PRRC2B: variants seen among roughly 807,000 people sequenced by gnomAD.
PRRC2B encodes the protein protein PRRC2B.
PRRC2B carries 68 observed loss-of-function variants against 242.3 expected under a neutral mutation model. That is an observed-to-expected ratio of 0.28 (90% CI 0.23 to 0.34). The LOEUF (loss-of-function observed/expected upper bound fraction) is 0.34, where lower values mean the gene tolerates loss of function less well. Ranked by LOEUF, PRRC2B falls within the 10% of genes least tolerant of loss-of-function variation. PRRC2B has a pLI of 1.00. For missense variants in PRRC2B, 2,835 were observed against 2,954.8 expected (o/e 0.96, Z 0.94); for synonymous variants, 1,228 against 1,173.6 (o/e 1.05, Z -0.95).
At chr9:131,400,542 T>C (rs1344857024) in intron 1 of PRRC2B, among the ~76,000 whole-genome samples, 2 of 152,122 alleles carry the variant, frequency 1.3e-5, no homozygotes, top group Non-Finnish European at 2.9e-5. Context: ...GGTCTCGAAA[T>C]CCTGACCTCA....
intron 1 of PRRC2B, among the ~76,000 whole-genome samples, chr9:131,412,551 T>C (rs1324251141): frequency 6.6e-6 from 1 of 152,202 alleles, no homozygotes; most frequent in Non-Finnish European, 1.5e-5. Flanking sequence ...GAGCATATGG[T>C]GGCTGCATGG....
chr9:131,478,645 T>A, intron 18 of PRRC2B, 26 bp downstream of exon 18: 13 of 222,556 alleles, frequency 5.8e-5, no homozygotes, highest in Admixed American at 1.2e-4. Context: ...TGGGGGGGCA[T>A]GGGGCTGGAG....
chr9:131,402,930 G>A (rs757209671), intron 1 of PRRC2B, among the ~76,000 whole-genome samples: 10 of 152,194 alleles, frequency 6.6e-5, no homozygotes, highest in Non-Finnish European at 1.0e-4. Context: ...GAGAATGACT[G>A]TGCCTCCGGG....
chr9:131,375,575 C>T (rs183804328), intron 1 of PRRC2B, among the ~76,000 whole-genome samples: 126 of 152,166 alleles, frequency 8.3e-4, no homozygotes, highest in African/African-American at 2.4e-3. Flanking sequence ...GGTAGGAGCT[C>T]GCCATGTTAT....
At chr9:131,443,692 A>G (rs1838690990) in intron 5 of PRRC2B, among the ~76,000 whole-genome samples, 1 of 152,134 alleles carries the variant, frequency 6.6e-6, no homozygotes, top group African/African-American at 2.4e-5. Context: ...TGGCCTCCCA[A>G]AGTGCTAGGA....
At chr9:131,397,154 C>G (rs1837083362) in intron 1 of PRRC2B, among the ~76,000 whole-genome samples, 1 of 152,214 alleles carries the variant, frequency 6.6e-6, no homozygotes, top group South Asian at 2.1e-4. Flanking sequence ...TGGCTCTATA[C>G]TGTTAACTGG....
intron 28 of PRRC2B, among the ~76,000 whole-genome samples, chr9:131,489,987 G>T (rs1043743266): frequency 2.0e-5 from 3 of 152,154 alleles, no homozygotes; most frequent in African/African-American, 7.2e-5. Flanking sequence ...ATGCCCGTGG[G>T]CCCTGCTTTG....
Position 131,473,561 on chromosome 9 carries a change from T to A in PRRC2B, c.2161T>A (p.Ser721Thr). ...GTCCCTCAATGGGACAGGCTGTCGC[T>A]CTGAGGATCAGAACTGTGTGCCCCC... ...QESLNGTGCR[S>T]EDQNCVPPLQ... The change falls in exon 15 of 32, where the codon TCT becomes ACT. Residue 721 changes from serine (S) to threonine (T), a missense_variant. By Grantham distance (58) the Ser-to-Thr change is moderately conservative. This residue lies in a region of PRRC2B where 1,536 missense variants were observed against 1,483.1 expected (regional missense o/e 1.04). Transcript: ENST00000683519. The A allele has an allele frequency of 1.3e-5, 21 of 1,610,784 alleles. No homozygotes were observed. The highest frequency in any genetic ancestry group is 1.8e-5 in the Non-Finnish European group (21 of 1,178,590).
At chr9:131,384,482 C>T (rs529907449) in intron 1 of PRRC2B, among the ~76,000 whole-genome samples, 2 of 152,218 alleles carry the variant, frequency 1.3e-5, no homozygotes, top group South Asian at 4.1e-4. Context: ...CAGGGTTTCA[C>T]CATCATGGCC....
intron 23 of PRRC2B, 142 bp downstream of exon 23, chr9:131,483,587 C>T (rs1943933862): frequency 1.4e-6 from 1 of 727,174 alleles, no homozygotes; most frequent in Non-Finnish European, 2.4e-6. Context: ...TTAAAAGGTG[C>T]TTAAATGTTC....
At chr9:131,470,413 T>A (rs965851137) in intron 13 of PRRC2B, among the ~76,000 whole-genome samples, 2 of 152,106 alleles carry the variant, frequency 1.3e-5, no homozygotes, top group African/African-American at 2.4e-5. Context: ...GGTGTATTAT[T>A]TAACCTCAGA....
intron 1 of PRRC2B, among the ~76,000 whole-genome samples, chr9:131,412,318 A>AT (rs1166530639): frequency 2.0e-5 from 3 of 151,264 alleles, no homozygotes; most frequent in Admixed American, 1.3e-4. Context: ...TTGATTCAAC[A>AT]TTTTTTTTGT....
At chr9:131,488,671 T>A (rs1347578987) in intron 28 of PRRC2B, among the ~76,000 whole-genome samples, 2 of 152,162 alleles carry the variant, frequency 1.3e-5, no homozygotes, top group South Asian at 2.1e-4. Flanking sequence ...TGCAGTAGGG[T>A]GTGGAATGGG....
At chr9:131,454,299 C>T (rs1943008008) in intron 9 of PRRC2B, among the ~76,000 whole-genome samples, 1 of 152,242 alleles carries the variant, frequency 6.6e-6, no homozygotes, top group Non-Finnish European at 1.5e-5. Context: ...ATCTGAGCCA[C>T]TTGGGCTGAT....
chr9:131,466,370 A>G (rs1459698051), intron 12 of PRRC2B, among the ~76,000 whole-genome samples: 1 of 152,276 alleles, frequency 6.6e-6, no homozygotes, highest in African/African-American at 2.4e-5. Context: ...CAATTCTTAC[A>G]GAAACCCTTG....
At chr9:131,490,230 A>C (rs549803725) in intron 28 of PRRC2B, among the ~76,000 whole-genome samples, 6 of 136,578 alleles carry the variant, frequency 4.4e-5, no homozygotes, top group Admixed American at 7.6e-5. Context: ...GCTCCCCCTC[A>C]CCTCACCCCC....
chr9:131,377,617 C>T (rs978229392), intron 1 of PRRC2B, among the ~76,000 whole-genome samples: 1 of 152,164 alleles, frequency 6.6e-6, no homozygotes, highest in African/African-American at 2.4e-5. Flanking sequence ...CAGCCCTGGG[C>T]TCCACATCCA....
At chr9:131,457,511 G>T in intron 10 of PRRC2B, among the ~76,000 whole-genome samples, 1 of 152,182 alleles carries the variant, frequency 6.6e-6, no homozygotes, top group East Asian at 1.9e-4. Context: ...TGTTCTCTGA[G>T]CTGGTTGGTG....
intron 5 of PRRC2B, among the ~76,000 whole-genome samples, chr9:131,442,866 G>A (rs1026357546): frequency 2.0e-5 from 3 of 152,090 alleles, no homozygotes; most frequent in Non-Finnish European, 2.9e-5. Flanking sequence ...TCTGTGTAAG[G>A]GAACAACATT....
Sources: gnomAD v4.1 joint callset for allele counts (sites outside exome capture counted in the v4.1 genomes callset) on GRCh38, gnomAD v4.1.1 for gene constraint, gnomAD v4.1.1 regional missense constraint, MANE v1.5 for transcripts, NCBI Gene and HGNC (gene_info 2026-07-23, HGNC 2026-07-21) for gene names.